CCDC7: variants seen among roughly 807,000 people sequenced by gnomAD.
CCDC7 encodes the protein coiled-coil domain-containing protein 7.
CCDC7 carries 183 observed loss-of-function variants against 196.9 expected under a neutral mutation model. The observed-to-expected ratio is 0.93, with a 90% CI of 0.82 to 1.05. The LOEUF (loss-of-function observed/expected upper bound fraction) is 1.05, where lower values mean the gene tolerates loss of function less well. Ranked by LOEUF, CCDC7 falls within the 50% of genes least tolerant of loss-of-function variation. CCDC7 has a pLI of 0.00. For synonymous variants in CCDC7, 525 were observed against 484.6 expected (o/e 1.08, Z -1.10); for missense variants, 1,540 against 1,482.2 (o/e 1.04, Z -0.64).
chr10:32,646,209 CT>C (rs1458205388), intron 20 of CCDC7, among the ~76,000 whole-genome samples: 3 of 149,252 alleles, frequency 2.0e-5, no homozygotes, highest in South Asian at 4.2e-4. Flanking sequence ...ATTATATAGG[CT>C]TTTGTATGTT....
chr10:32,707,446 A>T (rs568684414), intron 24 of CCDC7, among the ~76,000 whole-genome samples: 1 of 152,216 alleles, frequency 6.6e-6, no homozygotes, highest in African/African-American at 2.4e-5. Context: ...CGCCTATTCA[A>T]CATAGTATTG....
Position 32,567,650 on chromosome 10 carries a change from T to C in CCDC7, c.1198-20T>C, listed in dbSNP as rs763977524. 4 of 1,594,768 alleles carry C rather than the reference T, an allele frequency of 2.5e-6. 1 individual carries two copies. Among genetic ancestry groups the C allele is most frequent in the East Asian group, 4.5e-5 (2 of 44,330 alleles). On this transcript the variant is annotated intron_variant, in intron 14 of 41. Coordinates refer to ENST00000639629, the Ensembl canonical transcript of CCDC7. ...AAATATCAGAAAATGCTTAATAAAC[T>C]GGTACTTTTTTAAAAACAGGAAGCT... is the stretch of plus-strand genomic sequence containing the variant.
At chr10:32,503,277 T>G (rs1407215639) in intron 9 of CCDC7, among the ~76,000 whole-genome samples, 2 of 152,144 alleles carry the variant, frequency 1.3e-5, no homozygotes, top group East Asian at 3.8e-4. Flanking sequence ...ATGTTAGCTA[T>G]GGGGTTCTGA....
At chr10:32,504,115 G>GTTTTTT (rs748760643) in intron 9 of CCDC7, among the ~76,000 whole-genome samples, 4 of 96,300 alleles carry the variant, frequency 4.2e-5, no homozygotes, top group Non-Finnish European at 7.8e-5. Context: ...TTTATTGCTG[G>GTTTTTT]TTTTTTTTTT....
chr10:32,687,922 G>C (rs1170421958), intron 22 of CCDC7, among the ~76,000 whole-genome samples: 1 of 152,110 alleles, frequency 6.6e-6, no homozygotes, highest in Non-Finnish European at 1.5e-5. Flanking sequence ...ATCCTTAGTG[G>C]GGAGTCCATC....
chr10:32,467,775 A>G (rs907698441), intron 5 of CCDC7, among the ~76,000 whole-genome samples: 2 of 152,210 alleles, frequency 1.3e-5, no homozygotes, highest in Admixed American at 6.5e-5. Flanking sequence ...GGTGTAAGCA[A>G]TGAGTCCCGT....
At chr10:32,572,824 G>T (rs796796711) in intron 16 of CCDC7, among the ~76,000 whole-genome samples, 2 of 143,688 alleles carry the variant, frequency 1.4e-5, no homozygotes, top group African/African-American at 5.2e-5. Context: ...GGGAACTTAT[G>T]TATCATGTAG....
intron 9 of CCDC7, among the ~76,000 whole-genome samples, chr10:32,495,236 T>G (rs952463235): frequency 6.6e-6 from 1 of 150,486 alleles, no homozygotes; most frequent in South Asian, 2.1e-4. Flanking sequence ...TTGATGGGGT[T>G]GTTTGTTTTT....
At chr10:32,827,691 G>C (rs1008268267) in intron 32 of CCDC7, among the ~76,000 whole-genome samples, 2 of 152,050 alleles carry the variant, frequency 1.3e-5, no homozygotes, top group Non-Finnish European at 2.9e-5. Flanking sequence ...AATACCTAAG[G>C]TAAATGACGA....
rs775231307 is a variant in CCDC7, at chr10:32,685,924, G to C, written c.2123-46G>C. 10 of 1,048,242 alleles carry C rather than the reference G, an allele frequency of 9.5e-6. No homozygotes were observed. The South Asian group carries it at 1.2e-4, about 12-fold the overall frequency. 64.9% of individuals were successfully genotyped at this position (1,048,242 alleles called of 1,614,324 possible). A position where few individuals can be genotyped will look rare whatever the true frequency, so the allele number is the denominator to read the frequency against. On this transcript the variant is annotated intron_variant, in intron 21 of 41. Coordinates refer to ENST00000639629, the Ensembl canonical transcript of CCDC7. ...TTTGAAACACAGAAATTTCACAAAA[G>C]ATCCATTTTTCTATTTAGTGGAATA...
At chr10:32,631,523 T>C (rs908387270) in intron 18 of CCDC7, among the ~76,000 whole-genome samples, 3 of 152,186 alleles carry the variant, frequency 2.0e-5, no homozygotes, top group African/African-American at 4.8e-5. Flanking sequence ...CCTTTGCTTA[T>C]GCCAGTGCCA....
intron 32 of CCDC7, among the ~76,000 whole-genome samples, chr10:32,833,346 C>T (rs1448474639): frequency 0.031 from 753 of 23,966 alleles, 8 homozygotes; most frequent in African/African-American, 0.049. Context: ...ATATATTACC[C>T]TTTTTTTAAA....
At position 32,556,216 on chromosome 10, in the gene CCDC7, G is replaced by T. The variant is rs560772085; in HGVS notation, c.1135-9342G>T. ...TGTGTATAAAATTCAATTAAGTCTA[G>T]ATTTGTTTCATTATTTTAATTTTCT... On this transcript the variant is annotated intron_variant, in intron 13 of 41. Coordinates refer to ENST00000639629, the Ensembl canonical transcript of CCDC7. Among the ~76,000 whole-genome samples, 73 of 152,268 alleles carry T rather than the reference G, an allele frequency of 4.8e-4. 1 individual carries two copies. The South Asian group carries it at 6.4e-3, about 13-fold the overall frequency.
At chr10:32,553,936 A>G (rs2053925662) in intron 13 of CCDC7, among the ~76,000 whole-genome samples, 1 of 152,148 alleles carries the variant, frequency 6.6e-6, no homozygotes, top group South Asian at 2.1e-4. Flanking sequence ...GGGAAGGACC[A>G]TAAGGTGGGG....
chr10:32,466,342 A>G lies in CCDC7; in HGVS notation c.510+3293A>G, dbSNP rs2036794599. On this transcript the variant is annotated intron_variant, in intron 5 of 41. Transcript: ENST00000639629. Reference sequence around the variant, plus strand: ...ATTTACGTAAACTCATGTCACAGATATTTGTTGTACAGATTATTTCATCAC... The same window carrying G: ...ATTTACGTAAACTCATGTCACAGATGTTTGTTGTACAGATTATTTCATCAC... Among the ~76,000 whole-genome samples the G allele has an allele frequency of 2.7e-5, 4 of 147,994 alleles. No homozygotes were observed. The South Asian group carries it at 8.4e-4, about 31-fold the overall frequency.
At chr10:32,556,129 A>G (rs1589830114) in intron 13 of CCDC7, among the ~76,000 whole-genome samples, 1 of 152,168 alleles carries the variant, frequency 6.6e-6, no homozygotes, top group Admixed American at 6.5e-5. Flanking sequence ...TATGGGAGCT[A>G]TTGTGAAGAA....
intron 18 of CCDC7, among the ~76,000 whole-genome samples, chr10:32,628,247 T>C (rs1373872670): frequency 6.6e-6 from 1 of 152,026 alleles, no homozygotes; most frequent in Non-Finnish European, 1.5e-5. Context: ...TGATTTAATC[T>C]TGCTTGGTTG....
intron 24 of CCDC7, among the ~76,000 whole-genome samples, chr10:32,696,045 A>G (rs1488976401): frequency 6.6e-6 from 1 of 152,086 alleles, no homozygotes; most frequent in Non-Finnish European, 1.5e-5. Flanking sequence ...TTAAGAGACA[A>G]AGACACTAGC....
chr10:32,877,806 C>T (rs1313431544), downstream of CCDC7, among the ~76,000 whole-genome samples: 1 of 152,128 alleles, frequency 6.6e-6, no homozygotes, highest in African/African-American at 2.4e-5. Flanking sequence ...CAGTTTTCTG[C>T]CTTGCATCCC....
Sources: allele counts gnomAD v4.1 joint callset (sites outside exome capture counted in the v4.1 genomes callset), GRCh38; gene constraint gnomAD v4.1.1; transcripts MANE v1.5; gene names NCBI Gene and HGNC (gene_info 2026-07-23, HGNC 2026-07-21).